Variants in ARHGAP26 observed in about 807,000 individuals in gnomAD.
ARHGAP26 encodes the protein rho GTPase-activating protein 26.
In ARHGAP26, 38 loss-of-function variants were observed where a neutral mutation model predicts 104.8. That is an observed-to-expected ratio of 0.36 (90% CI 0.28 to 0.48). ARHGAP26 has a LOEUF of 0.48. ARHGAP26 is among the 20% of genes least tolerant of loss of function. The pLI, the probability that ARHGAP26 is intolerant of heterozygous loss-of-function variation, is 0.99. For synonymous variants in ARHGAP26, 341 were observed against 340.0 expected, an observed-to-expected ratio of 1.00 and a Z score of -0.03; for missense variants, 704 against 947.9, an observed-to-expected ratio of 0.74 and a Z score of 3.38.
Position 142,818,375 on chromosome 5 carries a change from T to C in ARHGAP26, c.154+47460T>C, listed in dbSNP as rs150677189. Among the ~76,000 whole-genome samples, 652 of 152,334 alleles carry C rather than the reference T, an allele frequency of 4.3e-3. 4 individuals are homozygous for C. The highest frequency in any genetic ancestry group is 0.014 in the Middle Eastern group (4 of 294). ...TCTGCACACCCTTGTTTCTTGGTGC[T>C]GTGCCCATAGGTGTGGCATTGCTGG... On this transcript the variant is annotated intron_variant, in intron 1 of 22. Transcript: ENST00000645722.
At chr5:142,894,538 C>T (rs1759191040) in intron 6 of ARHGAP26, among the ~76,000 whole-genome samples, 190 bp downstream of exon 6, 1 of 152,194 alleles carries the variant, frequency 6.6e-6, no homozygotes, top group African/African-American at 2.4e-5. Context: ...TCCTGTACAA[C>T]ACATAGCAAT....
chr5:142,791,258 G>A (rs1459126793), intron 1 of ARHGAP26, among the ~76,000 whole-genome samples: 1 of 152,072 alleles, frequency 6.6e-6, no homozygotes, highest in Non-Finnish European at 1.5e-5. Context: ...GGCTTCCTTT[G>A]GGGTAGCCCA....
rs527430050 is a variant in ARHGAP26, at chr5:143,198,779, A to G, written c.1989-8419A>G. ...CTCACCCCATCTAAGTTTAAAGTTT[A>G]TTTAAAACTTCAGAAATTATTTTAT... On this transcript the variant is annotated intron_variant, in intron 20 of 22. Transcript: ENST00000645722. Among the ~76,000 whole-genome samples, 3 of 152,344 alleles carry G rather than the reference A, an allele frequency of 2.0e-5. No homozygotes were observed. The East Asian group carries it at 5.8e-4, about 29-fold the overall frequency.
chr5:143,118,471 G>A (rs1795751757), intron 17 of ARHGAP26, among the ~76,000 whole-genome samples: 1 of 152,144 alleles, frequency 6.6e-6, no homozygotes, highest in Admixed American at 6.5e-5. Flanking sequence ...CAGTCTTTGT[G>A]TTAAAAATAG....
At chr5:142,890,820 T>C (rs1271049477) in intron 5 of ARHGAP26, among the ~76,000 whole-genome samples, 1 of 152,176 alleles carries the variant, frequency 6.6e-6, no homozygotes, top group African/African-American at 2.4e-5. Context: ...AGGGCTGATA[T>C]TATCTCCATC....
At chr5:143,117,782 A>G (rs1166793480) in intron 17 of ARHGAP26, among the ~76,000 whole-genome samples, 1 of 152,220 alleles carries the variant, frequency 6.6e-6, no homozygotes, top group Non-Finnish European at 1.5e-5. Context: ...GAAGACTTTG[A>G]TAAGGGAGGT....
intron 17 of ARHGAP26, among the ~76,000 whole-genome samples, chr5:143,115,769 T>C: frequency 6.6e-6 from 1 of 152,196 alleles, no homozygotes; most frequent in East Asian, 1.9e-4. Flanking sequence ...TGCTCCCATT[T>C]TATATGTGAG....
chr5:142,844,421 T>C (rs1214201974), intron 1 of ARHGAP26, among the ~76,000 whole-genome samples: 2 of 152,142 alleles, frequency 1.3e-5, no homozygotes, highest in African/African-American at 2.4e-5. Flanking sequence ...CTTTTTTTTT[T>C]TTCTTTTTGA....
At chr5:142,981,692 C>T (rs1382968175) in intron 11 of ARHGAP26, among the ~76,000 whole-genome samples, 1 of 152,210 alleles carries the variant, frequency 6.6e-6, no homozygotes, top group Non-Finnish European at 1.5e-5. Context: ...ATACTTTCTA[C>T]TTTAAAGGAT....
chr5:143,192,181 G>A (rs1806033065), intron 20 of ARHGAP26, among the ~76,000 whole-genome samples: 1 of 152,202 alleles, frequency 6.6e-6, no homozygotes, highest in South Asian at 2.1e-4. Flanking sequence ...AGCCCTTGAA[G>A]ATTCCAAGGA....
At chr5:142,891,146 A>G (rs1208214336) in intron 5 of ARHGAP26, among the ~76,000 whole-genome samples, 1 of 151,992 alleles carries the variant, frequency 6.6e-6, no homozygotes, top group East Asian at 1.9e-4. Context: ...ACAGGAACAC[A>G]TGGGGCTTAG....
intron 20 of ARHGAP26, among the ~76,000 whole-genome samples, chr5:143,178,086 GCTTC>G (rs1246723617): frequency 9.1e-5 from 12 of 132,158 alleles, no homozygotes; most frequent in Non-Finnish European, 4.6e-5. Flanking sequence ...TACAACCTCC[GCTTC>G]CCAGGCTCAA....
intron 17 of ARHGAP26, among the ~76,000 whole-genome samples, chr5:143,074,273 A>G (rs551184679): frequency 9.2e-5 from 14 of 152,258 alleles, no homozygotes; most frequent in Non-Finnish European, 1.8e-4. Flanking sequence ...GTGTTTCTGC[A>G]TTGTTTTTGT....
intron 20 of ARHGAP26, among the ~76,000 whole-genome samples, chr5:143,188,475 G>A (rs150953521): frequency 2.0e-5 from 3 of 152,286 alleles, no homozygotes; most frequent in East Asian, 1.9e-4. Context: ...AGTCCTTCCC[G>A]GAGGGGAGTC....
intron 17 of ARHGAP26, among the ~76,000 whole-genome samples, chr5:143,085,451 CA>C (rs199860499): frequency 0.015 from 2,255 of 152,166 alleles, 16 homozygotes; most frequent in Non-Finnish European, 0.024. Context: ...CAGTTAATGG[CA>C]TGTGTGAAGG....
chr5:142,985,921 G>A (rs1774652053), intron 11 of ARHGAP26, among the ~76,000 whole-genome samples: 1 of 152,048 alleles, frequency 6.6e-6, no homozygotes, highest in African/African-American at 2.4e-5. Context: ...GGGCATTTGG[G>A]TTGGTTCCAA....
chr5:143,214,116 A>G, intron 22 of ARHGAP26, 28 bp downstream of exon 22: 3 of 351,772 alleles, frequency 8.5e-6, no homozygotes, highest in Middle Eastern at 4.8e-4. Flanking sequence ...TCACAAAGAT[A>G]TGGGCGGGGG....
At chr5:142,844,483 A>T (rs946880301) in intron 1 of ARHGAP26, among the ~76,000 whole-genome samples, 1 of 152,146 alleles carries the variant, frequency 6.6e-6, no homozygotes, top group Non-Finnish European at 1.5e-5. Flanking sequence ...CAATTTCCCA[A>T]GAAAAAGCCT....
intron 20 of ARHGAP26, among the ~76,000 whole-genome samples, chr5:143,200,538 A>G (rs1240910675): frequency 3.3e-5 from 5 of 152,200 alleles, no homozygotes; most frequent in African/African-American, 1.2e-4. Flanking sequence ...ATTGCATTGG[A>G]AAATGCCTTA....
Sources: gnomAD v4.1 joint callset for allele counts (sites outside exome capture counted in the v4.1 genomes callset) on GRCh38, gnomAD v4.1.1 for gene constraint, MANE v1.5 for transcripts, NCBI Gene and HGNC (gene_info 2026-07-23, HGNC 2026-07-21) for gene names.